The following DNMT1 variants were observed in gnomAD, a reference collection of about 807,000 sequenced individuals.
DNMT1 encodes the protein DNA (cytosine-5)-methyltransferase 1.
Under a neutral mutation model 205.3 loss-of-function variants are expected in DNMT1, and 24 were observed. The observed-to-expected ratio is 0.12, with a 90% confidence interval of 0.08 to 0.16. The LOEUF is 0.16. Ranked by LOEUF, DNMT1 falls within the 10% of genes least tolerant of loss-of-function variation. DNMT1 has a pLI of 1.00. For synonymous variants in DNMT1, 817 were observed against 839.8 expected, an observed-to-expected ratio of 0.97 and a Z score of 0.47; for missense variants, 1,293 against 2,177.7, an observed-to-expected ratio of 0.59 and a Z score of 8.09.
intron 11 of DNMT1, among the ~76,000 whole-genome samples, chr19:10,163,935 C>T (rs918466436): frequency 3.3e-5 from 5 of 151,962 alleles, no homozygotes; most frequent in African/African-American, 7.3e-5. Flanking sequence ...GGCCCTGCAC[C>T]GGGGCCAACA....
At position 10,146,603 on chromosome 19, in the gene DNMT1, CAG is replaced by C; in HGVS notation, c.2721-81_2721-80del. On this transcript the variant is annotated intron_variant, in intron 27 of 40. Coordinates refer to ENST00000359526, the MANE Select transcript of DNMT1 (RefSeq NM_001130823.3). This position sits in a 1 kb window ranked among gnomAD's most constrained non-coding sequence, Gnocchi z 4.4. The stretch of plus-strand genomic sequence containing the variant: ...CGCAGCAGCTACTGCCAGCTTAATC[CAG>C]AGACTCTGGTAACCAAGAGGAAAAA... 4.4e-6 allele frequency: 7 copies of C among 1,576,816 alleles called. No individual in the cohort carries two copies. The highest frequency in any genetic ancestry group is 6.1e-6 in the Non-Finnish European group (7 of 1,153,760).
At chr19:10,160,589 A>G (rs956322601) in intron 13 of DNMT1, among the ~76,000 whole-genome samples, 171 bp from the exon 14 acceptor site, 6 of 152,232 alleles carry the variant, frequency 3.9e-5, no homozygotes, top group Non-Finnish European at 1.5e-5. Flanking sequence ...ATCTAAAGTC[A>G]TAGAATACAA....
chr19:10,154,895 G>C lies in DNMT1; in HGVS notation c.1644+10C>G. On this transcript the variant is annotated intron_variant, in intron 20 of 40. Transcript: ENST00000359526. This position sits in a 1 kb window ranked among gnomAD's most constrained non-coding sequence, Gnocchi z 6.3. ...GGAATCCCGGATGCTGAGGACCCTC[G>C]ATCTCTTACCTCGATCTTGTTGATC... The C allele has an allele frequency of 1.9e-6, 3 of 1,614,174 alleles. No homozygotes were observed. Among genetic ancestry groups the C allele is most frequent in the Non-Finnish European group, 2.5e-6 (3 of 1,180,030 alleles).
At chr19:10,179,973 G>A in intron 5 of DNMT1, 1 of 257,678 alleles carries the variant, frequency 3.9e-6, no homozygotes, top group Non-Finnish European at 7.4e-6. Context: ...CTGGGCGATA[G>A]AGCAAGACTC....
intron 25 of DNMT1, 72 bp from the exon 26 acceptor site, chr19:10,149,729 G>A (rs1024322881): frequency 2.8e-5 from 45 of 1,609,820 alleles, no homozygotes; most frequent in African/African-American, 2.0e-4. Flanking sequence ...GTCTATGCAG[G>A]AGCACTCGTC....
chr19:10,141,235 C>T (rs1456772830), intron 30 of DNMT1, 46 bp from the exon 31 acceptor site: 1 of 1,595,362 alleles, frequency 6.3e-7, no homozygotes, highest in Non-Finnish European at 8.6e-7. Flanking sequence ...AACGCACTGT[C>T]CCCTCTCTAA....
intron 1 of DNMT1, among the ~76,000 whole-genome samples, chr19:10,194,297 G>C (rs2039359695): frequency 6.6e-6 from 1 of 152,234 alleles, no homozygotes; most frequent in Admixed American, 6.5e-5. Context: ...GCCCCGACGG[G>C]TGACATCCGT....
Position 10,147,753 on chromosome 19 carries a change from T to C in DNMT1, c.2720+1131A>G, listed in dbSNP as rs539258040. Among the ~76,000 whole-genome samples, 109 of 152,296 alleles carry C rather than the reference T, an allele frequency of 7.2e-4. 1 individual carries two copies. The highest frequency in any genetic ancestry group is 2.5e-3 in the African/African-American group (106 of 41,582). The stretch of plus-strand genomic sequence containing the variant: ...CACCTGCTCCTCTGGGGGTGCTGGC[T>C]GCTGCTTTTAGTTGAAACAAGTGAG... On this transcript the variant is annotated intron_variant, in intron 27 of 40. Coordinates refer to ENST00000359526, the MANE Select transcript of DNMT1 (RefSeq NM_001130823.3).
chr19:10,152,955 C>T (rs1358685570), intron 22 of DNMT1, among the ~76,000 whole-genome samples: 1 of 144,362 alleles, frequency 6.9e-6, no homozygotes, highest in African/African-American at 2.5e-5. Context: ...AAAAAAAAAG[C>T]AATATTCAAC....
intron 19 of DNMT1, among the ~76,000 whole-genome samples, 157 bp from the exon 20 acceptor site, chr19:10,155,213 C>T (rs1427712815): frequency 1.3e-5 from 2 of 152,186 alleles, no homozygotes; most frequent in Non-Finnish European, 2.9e-5. Context: ...TCATAGCTGG[C>T]TTGTTCTGAA....
intron 1 of DNMT1, among the ~76,000 whole-genome samples, chr19:10,185,396 G>C (rs2039158654): frequency 6.7e-6 from 1 of 149,748 alleles, no homozygotes; most frequent in South Asian, 2.1e-4. Flanking sequence ...CTGCACTCCA[G>C]CCTGGGCAAC....
chr19:10,138,386 G>A lies in DNMT1; in HGVS notation c.4115+53C>T. On this transcript the variant is annotated intron_variant, in intron 35 of 40. Transcript: ENST00000359526. This position sits in a 1 kb window ranked among gnomAD's most constrained non-coding sequence, Gnocchi z 4.1. ...ACCAGGGAGTACTCACGGGCCCCAT[G>A]AGCTACTGAGGCCTGCTCGGCAGTG... 6.2e-7 allele frequency: 1 copy of A among 1,612,050 alleles called. No homozygotes were observed. The highest frequency in any genetic ancestry group is 8.5e-7 in the Non-Finnish European group (1 of 1,179,440).
At chr19:10,170,257 C>A (rs1468817239) in intron 9 of DNMT1, among the ~76,000 whole-genome samples, 1 of 151,860 alleles carries the variant, frequency 6.6e-6, no homozygotes, top group African/African-American at 2.4e-5. Flanking sequence ...TTCACTCCAG[C>A]CTGAGCGAAA....
intron 28 of DNMT1, 57 bp from the exon 29 acceptor site, chr19:10,144,044 AG>A: frequency 6.5e-7 from 1 of 1,542,152 alleles, no homozygotes. Flanking sequence ...GTGGTCAGTC[AG>A]GCATGACTGA....
At chr19:10,161,365 C>A (rs1388163424) in intron 13 of DNMT1, among the ~76,000 whole-genome samples, 5 of 148,504 alleles carry the variant, frequency 3.4e-5, no homozygotes. Context: ...AAATAAATAA[C>A]TGGCCAGGCA....
chr19:10,137,037 G>A lies in DNMT1; in HGVS notation c.4489+48C>T. On this transcript the variant is annotated intron_variant, in intron 37 of 40. Coordinates refer to ENST00000359526, the MANE Select transcript of DNMT1 (RefSeq NM_001130823.3). The surrounding 1 kb of genome is among the most constrained non-coding windows in gnomAD (Gnocchi z 6.4). ...TCACAGGCCAAAGGCCCAGGGCTCT[G>A]CCTTCCTTCCCCTCAGCCCACCGGG... 1 of 1,587,080 alleles carries A rather than the reference G, an allele frequency of 6.3e-7. No homozygotes were observed. Among genetic ancestry groups the A allele is most frequent in the Non-Finnish European group, 8.6e-7 (1 of 1,166,912 alleles).
At chr19:10,162,220 T>C (rs7253898) in intron 13 of DNMT1, among the ~76,000 whole-genome samples, 119,983 of 150,544 alleles carry the variant, frequency 0.8, 48,547 homozygotes, top group African/African-American at 0.94. Context: ...CTCACAGCAA[T>C]CTCCGCCTCC....
chr19:10,164,553 G>C (rs888569386), intron 11 of DNMT1, among the ~76,000 whole-genome samples: 2 of 152,054 alleles, frequency 1.3e-5, no homozygotes, highest in Non-Finnish European at 2.9e-5. Context: ...ACTGCAGTGA[G>C]CTATGATAGC....
At chr19:10,141,816 G>A (rs572561799) in intron 30 of DNMT1, 49 of 593,688 alleles carry the variant, frequency 8.3e-5, no homozygotes, top group Admixed American at 2.4e-4. Context: ...GTTAAACTCC[G>A]GGACCACTTG....
Sources: allele counts gnomAD v4.1 joint callset (sites outside exome capture counted in the v4.1 genomes callset), GRCh38; gene constraint gnomAD v4.1.1; non-coding constraint Gnocchi (gnomAD v3.1); transcripts MANE v1.5; gene names NCBI Gene and HGNC (gene_info 2026-07-23, HGNC 2026-07-21).